The following XYLT1 variants were observed in gnomAD, a reference collection of about 807,000 sequenced individuals.
The protein encoded by XYLT1 is beta-D-xylosyltransferase 1.
A neutral mutation model predicts 91.3 loss-of-function variants in XYLT1; 36 were observed. That is an observed-to-expected ratio of 0.39 (90% CI 0.30 to 0.52). XYLT1 has a LOEUF of 0.52. Among genes scored for constraint, XYLT1 ranks in the 20% least tolerant of loss-of-function variants. The pLI, the probability that XYLT1 is intolerant of heterozygous loss-of-function variation, is 0.68. For synonymous variants in XYLT1, 588 were observed against 532.0 expected (o/e 1.11, Z -1.45); for missense variants, 1,242 against 1,284.5 (o/e 0.97, Z 0.51).
chr16:17,356,546 C>T (rs2035297624), intron 2 of XYLT1, among the ~76,000 whole-genome samples: 1 of 152,064 alleles, frequency 6.6e-6, no homozygotes, highest in Non-Finnish European at 1.5e-5. Flanking sequence ...GGAAGGTCTC[C>T]TCATTCCTCT....
At chr16:17,358,333 C>T (rs115382538) in intron 1 of XYLT1, among the ~76,000 whole-genome samples, 126 of 152,124 alleles carry the variant, frequency 8.3e-4, no homozygotes, top group African/African-American at 2.9e-3. Flanking sequence ...GATGGGGTCT[C>T]GCTATGTTTC....
At chr16:17,396,025 C>T (rs1263233662) in intron 1 of XYLT1, among the ~76,000 whole-genome samples, 1 of 152,152 alleles carries the variant, frequency 6.6e-6, no homozygotes, top group Non-Finnish European at 1.5e-5. Context: ...TAAAAGTAGC[C>T]CTGTGCAAGT....
chr16:17,329,578 T>C (rs1216821941), intron 2 of XYLT1, among the ~76,000 whole-genome samples: 1 of 152,198 alleles, frequency 6.6e-6, no homozygotes, highest in Non-Finnish European at 1.5e-5. Flanking sequence ...TCCACAAGGC[T>C]GGTAGACAGA....
chr16:17,253,263 A>G (rs973083310), intron 3 of XYLT1, among the ~76,000 whole-genome samples: 1 of 152,210 alleles, frequency 6.6e-6, no homozygotes, highest in African/African-American at 2.4e-5. Flanking sequence ...TTTATTGCAA[A>G]TGGGGGAGTC....
rs2141589656 is a variant in XYLT1 at position 17,200,645 on chromosome 16, T to G, written c.923A>C (p.Asn308Thr). The G allele has an allele frequency of 6.2e-7, 1 of 1,613,100 alleles. No individual in the cohort carries two copies. Among genetic ancestry groups the G allele is most frequent in the Non-Finnish European group, 8.5e-7 (1 of 1,179,128 alleles). Residue 308 changes from asparagine (N) to threonine (T), a missense_variant, in exon 4 of 12, where the codon AAC (asparagine) becomes ACC (threonine). Physicochemically the swap from Asn to Thr is moderately conservative, Grantham distance 65. Coordinates refer to ENST00000261381, the MANE Select transcript of XYLT1 (RefSeq NM_022166.4). ...GTCCTCGTCCCACTGCACGTTCTTGTTGGCTTTACCTGGGGAAAATCCAAG... is the reference window on the plus strand; with the variant it reads ...GTCCTCGTCCCACTGCACGTTCTTGGTGGCTTTACCTGGGGAAAATCCAAG... ...TRFCPLEGKA[N>T]KNVQWDEDSV...
At chr16:17,259,588 T>C (rs374694690) in intron 2 of XYLT1, 90 bp from the exon 3 acceptor site, 10 of 1,471,054 alleles carry the variant, frequency 6.8e-6, no homozygotes, top group African/African-American at 1.4e-5. Context: ...CATACGGACT[T>C]GGAAGCCGGG....
chr16:17,406,860 T>G (rs190990124), intron 1 of XYLT1, among the ~76,000 whole-genome samples: 1 of 152,096 alleles, frequency 6.6e-6, no homozygotes, highest in African/African-American at 2.4e-5. Flanking sequence ...GTGCTTGGAA[T>G]ATATGAGGCC....
chr16:17,387,638 G>A (rs1247682367), intron 1 of XYLT1, among the ~76,000 whole-genome samples: 1 of 152,132 alleles, frequency 6.6e-6, no homozygotes, highest in African/African-American at 2.4e-5. Context: ...GCAGGCAAGG[G>A]AACCGCTGCT....
At chr16:17,118,420 A>G (rs912999567) in intron 10 of XYLT1, among the ~76,000 whole-genome samples, 10 of 152,162 alleles carry the variant, frequency 6.6e-5, no homozygotes, top group African/African-American at 1.7e-4. Flanking sequence ...ACTTGGTGCA[A>G]TGGTTCTGAA....
At chr16:17,154,602 C>T (rs2141536115) in intron 6 of XYLT1, among the ~76,000 whole-genome samples, 1 of 152,228 alleles carries the variant, frequency 6.6e-6, no homozygotes, top group South Asian at 2.1e-4. Context: ...CTGAGGCTGC[C>T]TGGGAAAATG....
At chr16:17,354,284 C>T (rs77210705) in intron 2 of XYLT1, among the ~76,000 whole-genome samples, 2,021 of 152,200 alleles carry the variant, frequency 0.013, 17 homozygotes, top group Non-Finnish European at 0.019. Flanking sequence ...TTAATCTGGC[C>T]GTTAAGCAGA....
rs190619188 is a variant in XYLT1 at position 17,175,238 on chromosome 16, C to T, written c.1290-16329G>A. Among the ~76,000 whole-genome samples, 728 of 152,216 alleles carry T rather than the reference C, an allele frequency of 4.8e-3. 4 individuals carry two copies. Among genetic ancestry groups the T allele is most frequent in the Non-Finnish European group, 7.2e-3 (492 of 68,028 alleles). ...ACGCTATCCACCTAATCCTCACAAC[C>T]CCCCTAAAATAGGCAGCAGTAGCTC... On this transcript the variant is annotated intron_variant, in intron 5 of 11. Coordinates refer to ENST00000261381, the MANE Select transcript of XYLT1 (RefSeq NM_022166.4).
Position 17,453,579 on chromosome 16 carries a change from G to A in XYLT1, c.363+16855C>T, listed in dbSNP as rs190103886. 5.4e-4 allele frequency among the ~76,000 whole-genome samples: 82 copies of A among 152,282 alleles called. 1 individual carries two copies. The highest frequency in any genetic ancestry group is 1.1e-3 in the African/African-American group (44 of 41,552). ...CAACGCACACTGAGGCAGCACCTCC[G>A]GGGAAGTCTCCGTGCTCCGATGCTG... On this transcript the variant is annotated intron_variant, in intron 1 of 11. Coordinates refer to ENST00000261381, the MANE Select transcript of XYLT1 (RefSeq NM_022166.4).
chr16:17,288,544 C>T (rs1451971941), intron 2 of XYLT1, among the ~76,000 whole-genome samples: 4 of 152,122 alleles, frequency 2.6e-5, no homozygotes. Flanking sequence ...TGGCAATGTG[C>T]CCTGCTGCTT....
At chr16:17,467,114 G>T (rs959735080) in intron 1 of XYLT1, among the ~76,000 whole-genome samples, 1 of 152,148 alleles carries the variant, frequency 6.6e-6, no homozygotes, top group Non-Finnish European at 1.5e-5. Flanking sequence ...CAAAGGCGTC[G>T]GATAATACAG....
intron 9 of XYLT1, 58 bp downstream of exon 9, chr16:17,134,415 C>T: frequency 6.3e-7 from 1 of 1,595,992 alleles, no homozygotes; most frequent in African/African-American, 1.3e-5. Flanking sequence ...CCACTCTGTA[C>T]CCTGAGCCTC....
chr16:17,344,441 C>T (rs1309633127), intron 2 of XYLT1, among the ~76,000 whole-genome samples: 2 of 147,822 alleles, frequency 1.4e-5, no homozygotes, highest in African/African-American at 5.0e-5. Context: ...TGCAGTGAGC[C>T]GAGATCACGC....
chr16:17,314,194 A>G (rs1434208272), intron 2 of XYLT1, among the ~76,000 whole-genome samples: 2 of 152,192 alleles, frequency 1.3e-5, no homozygotes, highest in Admixed American at 6.5e-5. Context: ...GATCCTAGAG[A>G]AAGATTAGAA....
chr16:17,128,794 G>T lies in XYLT1; in HGVS notation c.2028-933C>A, dbSNP rs149825997. 2.3e-3 allele frequency among the ~76,000 whole-genome samples: 354 copies of T among 152,276 alleles called. 4 individuals carry two copies. The highest frequency in any genetic ancestry group is 8.1e-3 in the African/African-American group (337 of 41,544). On this transcript the variant is annotated intron_variant, in intron 9 of 11. Coordinates refer to ENST00000261381, the MANE Select transcript of XYLT1 (RefSeq NM_022166.4). ...GCAGATGGCAAAAAAGGAGTACCTC[G>T]GAGGAGACCAGTTTGGTATATTTCC...
Sources: allele counts gnomAD v4.1 joint callset (sites outside exome capture counted in the v4.1 genomes callset), GRCh38; gene constraint gnomAD v4.1.1; transcripts MANE v1.5; gene names NCBI Gene and HGNC (gene_info 2026-07-23, HGNC 2026-07-21).